The following DDC variants were observed in gnomAD, a reference collection of about 807,000 sequenced individuals.
The protein encoded by DDC is dopa decarboxylase.
Under a neutral mutation model 60.0 loss-of-function variants are expected in DDC, and 43 were observed. The ratio of observed to expected loss-of-function variants is 0.72; its 90% confidence interval spans 0.56 to 0.92. The LOEUF (loss-of-function observed/expected upper bound fraction) is 0.92, where lower values mean the gene tolerates loss of function less well. DDC is among the 40% of genes least tolerant of loss of function. The pLI, the probability that DDC is intolerant of heterozygous loss-of-function variation, is 0.00. For synonymous variants in DDC, 232 were observed against 234.6 expected, an observed-to-expected ratio of 0.99 and a Z score of 0.10; for missense variants, 573 against 620.2, an observed-to-expected ratio of 0.92 and a Z score of 0.81.
At chr7:50,559,271 C>T (rs1025942133) in intron 1 of DDC, among the ~76,000 whole-genome samples, 8 of 152,134 alleles carry the variant, frequency 5.3e-5, no homozygotes, top group Non-Finnish European at 7.4e-5. Flanking sequence ...GACCAGGACC[C>T]TCTGCTGTCT....
intron 11 of DDC, among the ~76,000 whole-genome samples, chr7:50,474,324 G>A (rs553764519): frequency 1.3e-5 from 2 of 152,360 alleles, no homozygotes; most frequent in East Asian, 3.9e-4. Context: ...GAGGTGCTGA[G>A]GAGAGTGAGG....
At chr7:50,494,386 C>G (rs11575429) in intron 9 of DDC, among the ~76,000 whole-genome samples, 12,967 of 152,046 alleles carry the variant, frequency 0.085, 739 homozygotes, top group South Asian at 0.14. Context: ...CGCCTGTTGT[C>G]CCAGCTACTC....
chr7:50,533,869 C>T (rs2044300000), intron 4 of DDC, among the ~76,000 whole-genome samples: 1 of 152,178 alleles, frequency 6.6e-6, no homozygotes, highest in Admixed American at 6.5e-5. Flanking sequence ...GGTGCAGTGG[C>T]TCACTGCTGG....
intron 8 of DDC, among the ~76,000 whole-genome samples, chr7:50,495,658 G>T (rs935532530): frequency 6.6e-6 from 1 of 152,036 alleles, no homozygotes; most frequent in Non-Finnish European, 1.5e-5. Context: ...TGTATTTAGA[G>T]TTGATTTGTA....
intron 6 of DDC, among the ~76,000 whole-genome samples, chr7:50,516,048 G>A (rs779812443): frequency 7.9e-5 from 12 of 152,058 alleles, no homozygotes; most frequent in Non-Finnish European, 1.6e-4. Context: ...AGAAACAATG[G>A]ATTTAAACTA....
intron 6 of DDC, among the ~76,000 whole-genome samples, chr7:50,510,999 A>C (rs995589291): frequency 4.0e-5 from 6 of 150,154 alleles, no homozygotes; most frequent in Middle Eastern, 3.5e-3. Context: ...AAAAAAAAAA[A>C]AAAACTCAAC....
intron 6 of DDC, among the ~76,000 whole-genome samples, chr7:50,511,604 C>G (rs1192100602): frequency 6.6e-6 from 1 of 152,178 alleles, no homozygotes; most frequent in Non-Finnish European, 1.5e-5. Flanking sequence ...TGGCACACGC[C>G]TGTAGTCCCA....
chr7:50,459,032 A>G (rs1385675601), intron 14 of DDC, among the ~76,000 whole-genome samples, 189 bp from the exon 15 acceptor site: 1 of 150,814 alleles, frequency 6.6e-6, no homozygotes, highest in Non-Finnish European at 1.5e-5. Flanking sequence ...TACTGCTGCC[A>G]TCTCGGCTCA....
chr7:50,462,241 A>G (rs2042293437), intron 14 of DDC, among the ~76,000 whole-genome samples: 1 of 150,652 alleles, frequency 6.6e-6, no homozygotes, highest in South Asian at 2.1e-4. Flanking sequence ...AAAAAAAAAA[A>G]AAAAAAAGAA....
chr7:50,535,192 C>T (rs185948761), intron 4 of DDC, among the ~76,000 whole-genome samples: 49 of 151,644 alleles, frequency 3.2e-4, no homozygotes, highest in African/African-American at 6.3e-4. Context: ...GTTTCCCTCT[C>T]GTCAACCAGG....
chr7:50,482,311 C>A (rs948223894), intron 9 of DDC, among the ~76,000 whole-genome samples: 1 of 152,136 alleles, frequency 6.6e-6, no homozygotes, highest in African/African-American at 2.4e-5. Context: ...GGGTGAGTAA[C>A]TTTGTATTTA....
chr7:50,509,815 C>T (rs1301788536), intron 6 of DDC, among the ~76,000 whole-genome samples: 2 of 151,856 alleles, frequency 1.3e-5, no homozygotes, highest in Admixed American at 6.6e-5. Context: ...TAAATTGGTA[C>T]AATGTTTTTG....
chr7:50,467,199 T>G lies in DDC; in HGVS notation c.1242+15A>C. ...CATTCACAGAAAATGAAGAATGGAA[T>G]AGATGTAGACAAACCTTTAGCCGAA... On this transcript the variant is annotated intron_variant, in intron 13 of 14. Coordinates refer to ENST00000444124, the MANE Select transcript of DDC (RefSeq NM_001082971.2). 1.3e-6 allele frequency: 2 copies of G among 1,599,756 alleles called. No homozygotes were observed. The highest frequency in any genetic ancestry group is 2.2e-5 in the South Asian group (2 of 90,846).
At chr7:50,479,479 G>A (rs2042719313) in intron 10 of DDC, among the ~76,000 whole-genome samples, 1 of 152,162 alleles carries the variant, frequency 6.6e-6, no homozygotes, top group Non-Finnish European at 1.5e-5. Flanking sequence ...TTCCTTATCT[G>A]CAGGTGGTAT....
At chr7:50,474,301 G>A (rs2042594192) in intron 11 of DDC, among the ~76,000 whole-genome samples, 1 of 152,236 alleles carries the variant, frequency 6.6e-6, no homozygotes, top group African/African-American at 2.4e-5. Flanking sequence ...GATTAGCAGT[G>A]CGGAAAGGGC....
chr7:50,525,372 T>C (rs1048545538), intron 6 of DDC, among the ~76,000 whole-genome samples: 2 of 152,190 alleles, frequency 1.3e-5, no homozygotes, highest in African/African-American at 4.8e-5. Context: ...ACTATAGTTA[T>C]AAAAGTTGGA....
At chr7:50,515,473 A>G (rs1022214351) in intron 6 of DDC, among the ~76,000 whole-genome samples, 1 of 152,232 alleles carries the variant, frequency 6.6e-6, no homozygotes, top group African/African-American at 2.4e-5. Flanking sequence ...CATAAATGAC[A>G]CAGGACCTAT....
At chr7:50,477,544 C>A (rs768988759) in intron 10 of DDC, 1 of 457,022 alleles carries the variant, frequency 2.2e-6, no homozygotes. Flanking sequence ...AACCCACGCC[C>A]CACCCTGCAC....
intron 9 of DDC, among the ~76,000 whole-genome samples, chr7:50,491,730 G>A (rs562104922): frequency 3.9e-4 from 60 of 152,268 alleles, no homozygotes; most frequent in African/African-American, 1.2e-3. Context: ...TTTACTGGGC[G>A]TGAGACAAAT....
Sources: gnomAD v4.1 joint callset for allele counts (sites outside exome capture counted in the v4.1 genomes callset) on GRCh38, gnomAD v4.1.1 for gene constraint, MANE v1.5 for transcripts, NCBI Gene and HGNC (gene_info 2026-07-23, HGNC 2026-07-21) for gene names.